The following RBFOX1 variants were observed in gnomAD, a reference collection of about 807,000 sequenced individuals.
The protein encoded by RBFOX1 is RNA binding fox-1 homolog 1.
In RBFOX1, 8 loss-of-function variants were observed where a neutral mutation model predicts 57.7. The ratio of observed to expected loss-of-function variants is 0.14; its 90% confidence interval spans 0.08 to 0.25. The LOEUF is 0.25. Ranked by LOEUF, RBFOX1 falls within the 10% of genes least tolerant of loss-of-function variation. The pLI, the probability that RBFOX1 is intolerant of heterozygous loss-of-function variation, is 1.00. For synonymous variants in RBFOX1, 326 were observed against 222.4 expected (o/e 1.47, Z -4.15); for missense variants, 611 against 548.5 (o/e 1.11, Z -1.14).
At chr16:5,861,393 C>T (rs2057209664) in intron 3 of RBFOX1, among the ~76,000 whole-genome samples, 2 of 152,188 alleles carry the variant, frequency 1.3e-5, no homozygotes, top group Admixed American at 6.5e-5. Context: ...TCATTCTCCT[C>T]CTGTCAGATT....
intron 14 of RBFOX1, among the ~76,000 whole-genome samples, chr16:7,691,426 CGGAAAGAAAACGGAAA>C (rs1479405462): frequency 7.7e-6 from 1 of 130,264 alleles, no homozygotes; most frequent in Non-Finnish European, 1.7e-5. Context: ...AGAGAAAGAA[CGGAAAGAAAACGGAAA>C]GGAAAGGAGA....
At chr16:6,103,020 G>A (rs946197634) in intron 1 of RBFOX1, among the ~76,000 whole-genome samples, 2 of 152,162 alleles carry the variant, frequency 1.3e-5, no homozygotes, top group Non-Finnish European at 2.9e-5. Context: ...AGCAACCACA[G>A]TGTCTTCCCC....
At chr16:6,258,371 T>G (rs1376119700) in intron 1 of RBFOX1, among the ~76,000 whole-genome samples, 1 of 152,210 alleles carries the variant, frequency 6.6e-6, no homozygotes, top group African/African-American at 2.4e-5. Context: ...TTTACTCAAG[T>G]TCATTGTGTT....
At position 5,914,916 on chromosome 16, in the gene RBFOX1, CA is replaced by C. The variant is rs565941776; in HGVS notation, c.351+47590del. Among the ~76,000 whole-genome samples, 17 of 150,220 alleles carry C rather than the reference CA, an allele frequency of 1.1e-4. No homozygotes were observed. The East Asian group carries it at 1.6e-3, about 14-fold the overall frequency. On this transcript the variant is annotated intron_variant, in intron 4 of 19. Transcript: ENST00000641259. ...TCTCAAAAACAAAACAAAACAAAAA[CA>C]AAAAAAAAGAGAGTCTATGACAAAG...
chr16:7,443,536 T>G (rs944074562), intron 4 of RBFOX1, among the ~76,000 whole-genome samples: 1 of 151,960 alleles, frequency 6.6e-6, no homozygotes, highest in Non-Finnish European at 1.5e-5. Context: ...AACAACCTTG[T>G]TGGTGTAATA....
Position 5,523,463 on chromosome 16 carries a change from A to G in RBFOX1, c.258+56209A>G, listed in dbSNP as rs936425149. Among the ~76,000 whole-genome samples, 9 of 152,078 alleles carry G rather than the reference A, an allele frequency of 5.9e-5. No homozygotes were observed. The South Asian group carries it at 1.9e-3, about 32-fold the overall frequency. On this transcript the variant is annotated intron_variant, in intron 2 of 2. Coordinates refer to the RBFOX1 transcript ENST00000585867. ...AACCCTGTCTTTACAAAAAATAAAA[A>G]AAATTAGCCAGGTGTGATGGTGAGT... is the stretch of plus-strand genomic sequence containing the variant.
At chr16:7,521,354 C>T (rs2077477977) in intron 5 of RBFOX1, among the ~76,000 whole-genome samples, 1 of 152,098 alleles carries the variant, frequency 6.6e-6, no homozygotes, top group Non-Finnish European at 1.5e-5. Flanking sequence ...AGTTGAAATT[C>T]CACGTTATAA....
intron 4 of RBFOX1, among the ~76,000 whole-genome samples, chr16:7,237,558 T>G (rs191947046): frequency 1.1e-4 from 17 of 152,364 alleles, no homozygotes; most frequent in African/African-American, 3.6e-4. Flanking sequence ...GACTCTAGAT[T>G]TGGACCAACT....
chr16:6,103,582 A>T (rs1384113804), intron 1 of RBFOX1, among the ~76,000 whole-genome samples: 1 of 152,096 alleles, frequency 6.6e-6, no homozygotes, highest in African/African-American at 2.4e-5. Flanking sequence ...TAACAAGCAG[A>T]TTCAGGCTCC....
At chr16:5,914,887 T>G (rs1355191905) in intron 4 of RBFOX1, among the ~76,000 whole-genome samples, 1 of 151,946 alleles carries the variant, frequency 6.6e-6, no homozygotes, top group South Asian at 2.1e-4. Flanking sequence ...AGAGTGATAC[T>G]CTGTCTCAAA....
Position 7,295,723 on chromosome 16 carries a change from C to T in RBFOX1, c.28-222424C>T, listed in dbSNP as rs554104008. On this transcript the variant is annotated intron_variant, in intron 4 of 15. Transcript: ENST00000550418. ...CTCGCTGTTTGTGTTTGAGGCATAC[C>T]CACATATGAACCAGAAAGAGTTCCC... Among the ~76,000 whole-genome samples the T allele has an allele frequency of 3.3e-5, 5 of 152,088 alleles. No individual in the cohort carries two copies. In the South Asian group the frequency reaches 1.0e-3, roughly 32 times the overall value.
intron 3 of RBFOX1, among the ~76,000 whole-genome samples, chr16:6,841,155 G>A (rs1295915853): frequency 6.6e-6 from 1 of 151,932 alleles, no homozygotes; most frequent in African/African-American, 2.4e-5. Context: ...ATTAGCCTAT[G>A]GCATTTTGCT....
rs112999742 is a variant in RBFOX1 at position 6,072,819 on chromosome 16, C to G, written c.-127+52827C>G. On this transcript the variant is annotated intron_variant, in intron 1 of 15. Transcript: ENST00000550418. ...CATAGTAAATGTTCTTAAACACCCT[C>G]TACCCCACTCCACATGTCCAAATAA... 2.0e-3 allele frequency among the ~76,000 whole-genome samples: 311 copies of G among 152,234 alleles called. 1 individual carries two copies. Among genetic ancestry groups the G allele is most frequent in the African/African-American group, 7.0e-3 (292 of 41,536 alleles).
chr16:7,256,896 C>G (rs989871287), intron 4 of RBFOX1, among the ~76,000 whole-genome samples: 1 of 152,076 alleles, frequency 6.6e-6, no homozygotes, highest in African/African-American at 2.4e-5. Context: ...CCATCACACC[C>G]GGGAAACCTA....
rs373255747 is a variant in RBFOX1, at chr16:7,447,686, CCTCTGTTGGCCTAGT to C, written c.28-70456_28-70442del. 1.9e-3 allele frequency among the ~76,000 whole-genome samples: 294 copies of C among 152,290 alleles called. 2 individuals carry two copies. The highest frequency in any genetic ancestry group is 6.7e-3 in the African/African-American group (280 of 41,570). ...AGCTCTTCCTGTCTATGAACCTCTG[CCTCTGTTGGCCTAGT>C]CTCTCACTATCCTCTTCTTTTATTA... On this transcript the variant is annotated intron_variant, in intron 4 of 15. Coordinates refer to ENST00000550418, the MANE Select transcript of RBFOX1 (RefSeq NM_018723.4).
chr16:6,694,408 A>G (rs1214546709), intron 3 of RBFOX1, among the ~76,000 whole-genome samples: 1 of 152,176 alleles, frequency 6.6e-6, no homozygotes, highest in Admixed American at 6.5e-5. Context: ...ACACAAGAAG[A>G]AAAAACTGGT....
chr16:5,808,632 T>G (rs980601827), intron 3 of RBFOX1, among the ~76,000 whole-genome samples: 5 of 152,204 alleles, frequency 3.3e-5, no homozygotes, highest in Non-Finnish European at 5.9e-5. Context: ...AGAGGTCCTT[T>G]ACGTCCCTTG....
rs147483532 is a variant in RBFOX1, at chr16:6,851,316, G to A, written c.-16+196666G>A. Among the ~76,000 whole-genome samples, 75 of 152,206 alleles carry A rather than the reference G, an allele frequency of 4.9e-4. 1 individual carries two copies. The East Asian group carries it at 0.011, about 22-fold the overall frequency. ...ACAGTAGGGTGTGGTCATAGAAGGC[G>A]TCTTTTTGTCTGTGGACTATTTTTT... is the stretch of plus-strand genomic sequence containing the variant. On this transcript the variant is annotated intron_variant, in intron 3 of 15. Coordinates refer to ENST00000550418, the MANE Select transcript of RBFOX1 (RefSeq NM_018723.4).
chr16:6,488,961 C>A (rs143495128), intron 2 of RBFOX1, among the ~76,000 whole-genome samples: 2 of 152,104 alleles, frequency 1.3e-5, no homozygotes, highest in African/African-American at 4.8e-5. Context: ...CATTTAAAAT[C>A]TCTGGTTGGA....
Sources: gnomAD v4.1 joint callset for allele counts (sites outside exome capture counted in the v4.1 genomes callset) on GRCh38, gnomAD v4.1.1 for gene constraint, MANE v1.5 for transcripts, NCBI Gene and HGNC (gene_info 2026-07-23, HGNC 2026-07-21) for gene names.